Variants in PLPPR4 observed in about 807,000 individuals in gnomAD.
PLPPR4 encodes the protein phospholipid phosphatase related 4, also known as phospholipid phosphatase-related protein type 4.
A neutral mutation model predicts 56.6 loss-of-function variants in PLPPR4; 24 were observed. That is an observed-to-expected ratio of 0.42 (90% CI 0.31 to 0.60). The LOEUF is 0.60. Among genes scored for constraint, PLPPR4 ranks in the 20% least tolerant of loss-of-function variants. The pLI, the probability that PLPPR4 is intolerant of heterozygous loss-of-function variation, is 0.13. For missense variants in PLPPR4, 654 were observed against 885.8 expected (o/e 0.74, Z 3.32); for synonymous variants, 326 against 328.1 (o/e 0.99, Z 0.07).
intron 4 of PLPPR4, among the ~76,000 whole-genome samples, chr1:99,300,394 C>G (rs1373097992): frequency 6.6e-6 from 1 of 151,874 alleles, no homozygotes; most frequent in Non-Finnish European, 1.5e-5. Flanking sequence ...TGTAGAGAAA[C>G]ATTTTGTTAA....
chr1:99,294,045 T>C (rs575538840), intron 2 of PLPPR4, among the ~76,000 whole-genome samples: 1 of 151,950 alleles, frequency 6.6e-6, no homozygotes, highest in South Asian at 2.1e-4. Context: ...CAAATAATTT[T>C]CTTATCAGAA....
chr1:99,299,045 A>G lies in PLPPR4; in HGVS notation c.405A>G (p.Val135=), dbSNP rs1387891145. Residue 135 remains valine (V), a synonymous_variant, in exon 4 of 7, where the codon GTA becomes GTG. Coordinates refer to ENST00000370185, the MANE Select transcript of PLPPR4 (RefSeq NM_014839.5). ...RRAVRFVGVH[V]FGLCSTALIT... ...TCATTTTGCCTATAGGTGTTCATGTATTTGGATTATGCTCTACAGCTCTCA... is the reference window on the plus strand; with the variant it reads ...TCATTTTGCCTATAGGTGTTCATGTGTTTGGATTATGCTCTACAGCTCTCA... 1.2e-6 allele frequency: 2 copies of G among 1,613,008 alleles called. No homozygotes were observed. Among genetic ancestry groups the G allele is most frequent in the African/African-American group, 1.3e-5 (1 of 75,014 alleles).
At chr1:99,273,191 C>A (rs1659101516) in intron 1 of PLPPR4, among the ~76,000 whole-genome samples, 1 of 152,066 alleles carries the variant, frequency 6.6e-6, no homozygotes, top group South Asian at 2.1e-4. Context: ...ACCAATTGCA[C>A]TTAGGTCCAT....
In PLPPR4 at chr1:99,307,162, C is replaced by A; in HGVS notation, c.*152C>A. ...ACTTTTCAGAACTGCTATACTCAAA[C>A]TTGCAGATCTCACATCAAGGAGAGG... On this transcript the variant is annotated 3_prime_UTR_variant, in exon 7 of 7. Coordinates refer to ENST00000370185, the MANE Select transcript of PLPPR4 (RefSeq NM_014839.5). The A allele has an allele frequency of 1.2e-6, 1 of 857,582 alleles. No homozygotes were observed. The highest frequency in any genetic ancestry group is 1.8e-6 in the Non-Finnish European group (1 of 559,746). The allele number at this position is 857,582 out of a possible 1,614,324, so 53.1% of individuals were successfully genotyped here.
chr1:99,294,357 T>C (rs996475078), intron 2 of PLPPR4, among the ~76,000 whole-genome samples: 2 of 152,198 alleles, frequency 1.3e-5, no homozygotes, highest in African/African-American at 4.8e-5. Flanking sequence ...TAAGTATTGA[T>C]GCATTTTCTT....
At chr1:99,291,025 A>C (rs1659602425) in intron 2 of PLPPR4, among the ~76,000 whole-genome samples, 1 of 152,266 alleles carries the variant, frequency 6.6e-6, no homozygotes, top group East Asian at 1.9e-4. Context: ...AATGGGAGAA[A>C]ATTTTTGCAA....
chr1:99,264,144 CAGG>C (rs1038864646), upstream of PLPPR4: 1 of 427,790 alleles, frequency 2.3e-6, no homozygotes, highest in African/African-American at 2.1e-5. Context: ...GGAGGCTCCC[CAGG>C]AGGAGACTAG....
intron 2 of PLPPR4, among the ~76,000 whole-genome samples, chr1:99,290,638 G>T (rs1388175281): frequency 6.6e-6 from 1 of 151,890 alleles, no homozygotes; most frequent in Non-Finnish European, 1.5e-5. Context: ...AAATAAGACT[G>T]CACACCTACA....
intron 1 of PLPPR4, among the ~76,000 whole-genome samples, chr1:99,275,817 G>T (rs1347183125): frequency 6.6e-6 from 1 of 151,996 alleles, no homozygotes; most frequent in African/African-American, 2.4e-5. Context: ...AAATCCCCCA[G>T]CCCACCAAAC....
intron 4 of PLPPR4, among the ~76,000 whole-genome samples, chr1:99,299,443 T>A (rs576977638): frequency 2.0e-5 from 3 of 152,158 alleles, no homozygotes; most frequent in Non-Finnish European, 2.9e-5. Flanking sequence ...GCCTCACATT[T>A]TTGCTACTAG....
At chr1:99,294,234 T>C (rs1360501698) in intron 2 of PLPPR4, among the ~76,000 whole-genome samples, 1 of 152,146 alleles carries the variant, frequency 6.6e-6, no homozygotes, top group Admixed American at 6.5e-5. Context: ...TGAGGTTAAG[T>C]GACAGAAGTG....
At chr1:99,285,487 T>A (rs959054756) in intron 1 of PLPPR4, among the ~76,000 whole-genome samples, 3 of 152,174 alleles carry the variant, frequency 2.0e-5, no homozygotes, top group Admixed American at 1.3e-4. Flanking sequence ...TGAGGCAAAA[T>A]GATCAGATAT....
chr1:99,301,714 C>A lies in PLPPR4; in HGVS notation c.649-10C>A. 6.3e-7 allele frequency: 1 copy of A among 1,589,948 alleles called. No individual in the cohort carries two copies. The highest frequency in any genetic ancestry group is 8.6e-7 in the Non-Finnish European group (1 of 1,166,066). On this transcript the variant is annotated splice_polypyrimidine_tract_variant and intron_variant, in intron 5 of 6. Coordinates refer to ENST00000370185, the MANE Select transcript of PLPPR4 (RefSeq NM_014839.5). ...TCTAACATACTTAACCCATTTCTTCCATTTTTAAGATGTACTTCAATTCCA... is the reference window on the plus strand; with the variant it reads ...TCTAACATACTTAACCCATTTCTTCAATTTTTAAGATGTACTTCAATTCCA...
chr1:99,298,723 G>A (rs903439767), intron 3 of PLPPR4: 38 of 550,116 alleles, frequency 6.9e-5, no homozygotes, highest in Admixed American at 4.4e-4. Context: ...ACATGTCGTC[G>A]CTCTCAAATA....
rs777414274 is a variant in PLPPR4 at position 99,288,126 on chromosome 1, G to A, written c.240G>A (p.Leu80=). Residue 80 remains leucine (L), a synonymous_variant, in exon 2 of 7, where the codon TTG becomes TTA. Transcript: ENST00000370185. ...TTCCATTCCTCATGTTGCTTAGCTT[G>A]GCTTTTGCTGGACCTGCAATTACGG... ...EAIPFLMLLS[L]AFAGPAITIM... is the part of the protein sequence containing the mutation. 7 of 1,613,274 alleles carry A rather than the reference G, an allele frequency of 4.3e-6. No homozygotes were observed. In the Admixed American group the frequency reaches 6.7e-5, roughly 15 times the overall value.
intron 1 of PLPPR4, among the ~76,000 whole-genome samples, chr1:99,269,429 G>C (rs971374413): frequency 6.6e-6 from 1 of 152,162 alleles, no homozygotes. Flanking sequence ...ATAATTATTT[G>C]GGCATAGCCC....
intron 3 of PLPPR4, among the ~76,000 whole-genome samples, chr1:99,297,769 C>A (rs925585518): frequency 6.6e-6 from 1 of 152,052 alleles, no homozygotes; most frequent in African/African-American, 2.4e-5. Context: ...CAATAGACAG[C>A]TTAACAGCAT....
chr1:99,275,477 G>T (rs981506753), intron 1 of PLPPR4, among the ~76,000 whole-genome samples: 1 of 152,118 alleles, frequency 6.6e-6, no homozygotes, highest in Admixed American at 6.6e-5. Context: ...GTAGAACAAT[G>T]CAAATAGCTG....
chr1:99,272,312 G>C (rs1252346092), intron 1 of PLPPR4, among the ~76,000 whole-genome samples: 1 of 152,012 alleles, frequency 6.6e-6, no homozygotes, highest in Non-Finnish European at 1.5e-5. Context: ...CATCAAGTAT[G>C]CCAGCGTTAC....
Sources: gnomAD v4.1 joint callset for allele counts (sites outside exome capture counted in the v4.1 genomes callset) on GRCh38, gnomAD v4.1.1 for gene constraint, MANE v1.5 for transcripts, NCBI Gene and HGNC (gene_info 2026-07-23, HGNC 2026-07-21) for gene names.